The following CAP2 variants were observed in gnomAD, a reference collection of about 807,000 sequenced individuals.
The protein encoded by CAP2 is cyclase associated actin cytoskeleton regulatory protein 2, also known as adenylyl cyclase-associated protein 2.
A neutral mutation model predicts 57.7 loss-of-function variants in CAP2; 24 were observed. The observed-to-expected ratio is 0.42, with a 90% CI of 0.30 to 0.58. The LOEUF is 0.58. CAP2 is among the 20% of genes least tolerant of loss of function. CAP2 has a pLI of 0.22. For synonymous variants in CAP2, 194 were observed against 207.2 expected (o/e 0.94, Z 0.55); for missense variants, 501 against 590.3 (o/e 0.85, Z 1.57).
At chr6:17,426,993 A>G (rs1012076518) in intron 3 of CAP2, among the ~76,000 whole-genome samples, 9 of 152,212 alleles carry the variant, frequency 5.9e-5, no homozygotes, top group African/African-American at 2.2e-4. Flanking sequence ...ATACAAATAT[A>G]TAAATGAATT....
intron 3 of CAP2, among the ~76,000 whole-genome samples, chr6:17,438,105 G>T (rs979217141): frequency 1.8e-4 from 27 of 146,602 alleles, no homozygotes; most frequent in East Asian, 6.3e-4. Flanking sequence ...TGGTGGCTCA[G>T]GCCTGTAATC....
intron 7 of CAP2, among the ~76,000 whole-genome samples, chr6:17,534,524 C>T (rs769406567): frequency 5.3e-5 from 8 of 152,156 alleles, no homozygotes; most frequent in Non-Finnish European, 8.8e-5. Context: ...TTCTTGGCAC[C>T]GCCTACACAA....
chr6:17,437,420 T>C (rs1447528744), intron 3 of CAP2, among the ~76,000 whole-genome samples: 1 of 152,200 alleles, frequency 6.6e-6, no homozygotes, highest in Non-Finnish European at 1.5e-5. Context: ...ATGCCTGTTA[T>C]ACTTTCATCA....
chr6:17,532,299 C>G (rs1411315400), intron 7 of CAP2, among the ~76,000 whole-genome samples: 2 of 151,190 alleles, frequency 1.3e-5, no homozygotes, highest in African/African-American at 4.8e-5. Context: ...TGCCACCATG[C>G]CTGGCTAATT....
chr6:17,438,384 G>T (rs1415848145), intron 3 of CAP2, among the ~76,000 whole-genome samples: 1 of 142,140 alleles, frequency 7.0e-6, no homozygotes, highest in African/African-American at 2.7e-5. Context: ...AACAAAAAAA[G>T]AATTGCTTAT....
intron 4 of CAP2, among the ~76,000 whole-genome samples, chr6:17,466,528 T>C (rs574538103): frequency 7.2e-5 from 11 of 152,244 alleles, no homozygotes; most frequent in Non-Finnish European, 1.5e-4. Flanking sequence ...AGAATTTCAT[T>C]TCCAACGGTC....
intron 1 of CAP2, among the ~76,000 whole-genome samples, chr6:17,405,367 G>A (rs954699228): frequency 6.6e-6 from 1 of 152,198 alleles, no homozygotes; most frequent in Non-Finnish European, 1.5e-5. Flanking sequence ...GGGCGACAGA[G>A]TGAGACCCCA....
chr6:17,538,902 T>C (rs567728070), intron 7 of CAP2, among the ~76,000 whole-genome samples: 52 of 152,366 alleles, frequency 3.4e-4, no homozygotes, highest in African/African-American at 1.2e-3. Context: ...AATCGTTTTA[T>C]CAATTGGATC....
chr6:17,483,543 G>A (rs117816347), intron 4 of CAP2, among the ~76,000 whole-genome samples: 1 of 152,202 alleles, frequency 6.6e-6, no homozygotes, highest in Non-Finnish European at 1.5e-5. Flanking sequence ...GACACAGTTG[G>A]ACTGGGATTC....
At position 17,426,709 on chromosome 6, in the gene CAP2, T is replaced by A; in HGVS notation, c.222+19T>A. On this transcript the variant is annotated intron_variant, in intron 3 of 12. Coordinates refer to ENST00000229922, the MANE Select transcript of CAP2 (RefSeq NM_006366.3). ...GACCCATGTAAGTACTTTCCTCCCC[T>A]GTTCTCAGTAGAGAGTTTAAACTTA... The A allele has an allele frequency of 6.5e-7, 1 of 1,540,048 alleles. No homozygotes were observed. The highest frequency in any genetic ancestry group is 2.2e-5 in the East Asian group (1 of 44,526).
At chr6:17,450,435 G>C (rs1463393272) in intron 3 of CAP2, among the ~76,000 whole-genome samples, 2 of 152,172 alleles carry the variant, frequency 1.3e-5, no homozygotes, top group African/African-American at 4.8e-5. Flanking sequence ...TTTTGGATGG[G>C]GTTGGTGGGG....
intron 4 of CAP2, among the ~76,000 whole-genome samples, chr6:17,484,487 A>T (rs1404950875): frequency 6.6e-6 from 1 of 152,250 alleles, no homozygotes; most frequent in African/African-American, 2.4e-5. Flanking sequence ...ACAAAAAAAT[A>T]CATCTGTCAG....
intron 4 of CAP2, among the ~76,000 whole-genome samples, chr6:17,469,935 A>G (rs1359552736): frequency 1.3e-5 from 2 of 152,212 alleles, no homozygotes; most frequent in Non-Finnish European, 2.9e-5. Flanking sequence ...GCCTAGCGGC[A>G]GTGATCTTAG....
intron 3 of CAP2, among the ~76,000 whole-genome samples, chr6:17,442,968 C>T (rs908555123): frequency 5.3e-5 from 8 of 152,070 alleles, no homozygotes; most frequent in Non-Finnish European, 7.4e-5. Context: ...TCCACCGCCT[C>T]GACCTCCCAA....
chr6:17,529,651 A>AAAAAAAAAAATATATATATAT (rs10656588), intron 7 of CAP2, among the ~76,000 whole-genome samples: 1 of 134,538 alleles, frequency 7.4e-6, no homozygotes, highest in African/African-American at 2.9e-5. Context: ...AAAAAAAAAA[A>AAAAAAAAAAATATATATATAT]ATATATATAT....
chr6:17,433,451 A>G (rs1759795354), intron 3 of CAP2, among the ~76,000 whole-genome samples: 1 of 152,152 alleles, frequency 6.6e-6, no homozygotes, highest in East Asian at 1.9e-4. Flanking sequence ...GCAAGACCGC[A>G]CTGACCTGCC....
chr6:17,480,952 ATTTTTTTT>A (rs59581120), intron 4 of CAP2, among the ~76,000 whole-genome samples: 14 of 70,728 alleles, frequency 2.0e-4, no homozygotes, highest in African/African-American at 7.6e-4. Context: ...CTAATTTTGT[ATTTTTTTT>A]TTTTTTTTTT....
At chr6:17,439,573 A>G (rs929398937) in intron 3 of CAP2, among the ~76,000 whole-genome samples, 4 of 151,420 alleles carry the variant, frequency 2.6e-5, no homozygotes, top group Non-Finnish European at 5.9e-5. Context: ...AGAAGATAGA[A>G]TCAGTGAGAG....
intron 7 of CAP2, among the ~76,000 whole-genome samples, chr6:17,536,565 A>G (rs1002387000): frequency 6.6e-6 from 1 of 152,232 alleles, no homozygotes; most frequent in Non-Finnish European, 1.5e-5. Context: ...AATGTATCAA[A>G]GTTCCAAAAA....
Sources: gnomAD v4.1 joint callset for allele counts (sites outside exome capture counted in the v4.1 genomes callset) on GRCh38, gnomAD v4.1.1 for gene constraint, MANE v1.5 for transcripts, NCBI Gene and HGNC (gene_info 2026-07-23, HGNC 2026-07-21) for gene names.